The following TRIM33 variants were observed in gnomAD, a reference collection of about 807,000 sequenced individuals.
TRIM33 encodes the protein tripartite motif containing 33.
A neutral mutation model predicts 125.4 loss-of-function variants in TRIM33; 20 were observed. The ratio of observed to expected loss-of-function variants is 0.16; its 90% CI spans 0.11 to 0.23. The LOEUF (loss-of-function observed/expected upper bound fraction) is 0.23. Ranked by LOEUF, TRIM33 falls within the 10% of genes least tolerant of loss-of-function variation. The pLI is 1.00. For missense variants in TRIM33, 920 were observed against 1,411.4 expected, an observed-to-expected ratio of 0.65 and a Z score of 5.58; for synonymous variants, 564 against 513.9, an observed-to-expected ratio of 1.10 and a Z score of -1.32.
intron 6 of TRIM33, among the ~76,000 whole-genome samples, chr1:114,429,909 C>G (rs987805244): frequency 6.6e-6 from 1 of 151,954 alleles, no homozygotes; most frequent in Non-Finnish European, 1.5e-5. Flanking sequence ...GCAGTGGAGA[C>G]TTTGATTAAA....
At chr1:114,420,547 C>G in intron 11 of TRIM33, 1 of 617,942 alleles carries the variant, frequency 1.6e-6, no homozygotes, top group Admixed American at 2.3e-5. Flanking sequence ...CCATAATTTG[C>G]TATTCATACG....
intron 1 of TRIM33, among the ~76,000 whole-genome samples, chr1:114,505,696 T>G (rs918586303): frequency 9.9e-5 from 15 of 152,120 alleles, no homozygotes; most frequent in Non-Finnish European, 1.6e-4. Context: ...GCCTCCCGAG[T>G]AGCTGGGATT....
At chr1:114,495,865 T>C (rs1158176848) in intron 1 of TRIM33, among the ~76,000 whole-genome samples, 1 of 152,214 alleles carries the variant, frequency 6.6e-6, no homozygotes, top group Non-Finnish European at 1.5e-5. Context: ...TCAACAAATA[T>C]CTGGTTTACT....
At chr1:114,452,228 C>A (rs1353491480) in intron 4 of TRIM33, among the ~76,000 whole-genome samples, 1 of 152,052 alleles carries the variant, frequency 6.6e-6, no homozygotes, top group African/African-American at 2.4e-5. Flanking sequence ...AATCCCAGCA[C>A]TGGTGGGCGG....
chr1:114,452,727 T>TAAA (rs34364866), intron 4 of TRIM33, among the ~76,000 whole-genome samples: 6 of 107,688 alleles, frequency 5.6e-5, no homozygotes, highest in African/African-American at 1.4e-4. Context: ...CCCCATCTCT[T>TAAA]AAAAAAAAAA....
chr1:114,487,891 G>A (rs963664978), intron 1 of TRIM33, among the ~76,000 whole-genome samples: 10 of 111,402 alleles, frequency 9.0e-5, no homozygotes, highest in Admixed American at 1.2e-4. Context: ...GCGACAGAGC[G>A]AGACTCCGTC....
At position 114,410,294 on chromosome 1, in the gene TRIM33, C is replaced by A. The variant is rs1241122212; in HGVS notation, c.2084G>T (p.Ser695Ile). The A allele has an allele frequency of 6.2e-7, 1 of 1,613,040 alleles. No individual in the cohort carries two copies. The highest frequency in any genetic ancestry group is 1.7e-5 in the Admixed American group (1 of 59,646). The change falls in exon 12 of 20, where the codon AGT (serine) becomes ATT (isoleucine). Residue 695 changes from serine to isoleucine, a missense_variant. Coordinates refer to ENST00000358465, the MANE Select transcript of TRIM33 (RefSeq NM_015906.4). ...PIQLEDAGSS[S>I]LDNLLSRYIS... ...GTATCTACTTAGTAGATTATCTAAA[C>A]TACTTGAGCCAGCATCTTCCAACTG...
At chr1:114,484,983 C>A (rs780203501) in intron 1 of TRIM33, among the ~76,000 whole-genome samples, 1 of 149,036 alleles carries the variant, frequency 6.7e-6, no homozygotes, top group Non-Finnish European at 1.5e-5. Flanking sequence ...ACCTGGGAGG[C>A]GGAGGTTGCA....
intron 4 of TRIM33, among the ~76,000 whole-genome samples, chr1:114,453,950 C>A (rs868165417): frequency 2.1e-4 from 32 of 152,184 alleles, no homozygotes; most frequent in Middle Eastern, 3.2e-3. Context: ...TGGACTCTGC[C>A]CTGTGCATCT....
intron 4 of TRIM33, among the ~76,000 whole-genome samples, chr1:114,447,674 A>G (rs537848545): frequency 1.3e-5 from 2 of 152,346 alleles, no homozygotes; most frequent in South Asian, 4.1e-4. Flanking sequence ...TCCAACCTAG[A>G]AGAACAAACA....
chr1:114,474,578 TAAAAAAAAAAA>T (rs34473575), intron 1 of TRIM33, among the ~76,000 whole-genome samples: 5 of 78,980 alleles, frequency 6.3e-5, no homozygotes, highest in Non-Finnish European at 1.2e-4. Flanking sequence ...TGTCTCTATT[TAAAAAAAAAAA>T]AAAAAAAAAA....
At chr1:114,437,225 A>C (rs1291266547) in intron 4 of TRIM33, among the ~76,000 whole-genome samples, 1 of 152,250 alleles carries the variant, frequency 6.6e-6, no homozygotes, top group Non-Finnish European at 1.5e-5. Flanking sequence ...TTTAATCAAA[A>C]TTACAGCTGA....
Position 114,397,732 on chromosome 1 carries a change from C to T in TRIM33, c.3300G>A (p.Glu1100=). ...PEFEQEEDDG[E]VTEDSDEDFI... ...AGTCTTCATCAGAGTCCTCAGTTAC[C>T]TCACCATCATCCTCTTCCTGCTCAA... is the stretch of plus-strand genomic sequence containing the variant. Residue 1100 remains glutamate, a synonymous_variant, in exon 20 of 20, where the codon GAG becomes GAA. Coordinates refer to ENST00000358465, the MANE Select transcript of TRIM33 (RefSeq NM_015906.4). 1 of 1,613,458 alleles carries T rather than the reference C, an allele frequency of 6.2e-7. No individual in the cohort carries two copies. The highest frequency in any genetic ancestry group is 8.5e-7 in the Non-Finnish European group (1 of 1,179,866).
At chr1:114,407,247 G>A in intron 13 of TRIM33, 147 bp from the exon 14 acceptor site, 1 of 688,752 alleles carries the variant, frequency 1.5e-6, no homozygotes. Context: ...TGTAGTTAAG[G>A]GGAATGTGGT....
intron 1 of TRIM33, among the ~76,000 whole-genome samples, chr1:114,492,951 C>T (rs956891086): frequency 1.3e-5 from 2 of 152,182 alleles, no homozygotes; most frequent in Non-Finnish European, 2.9e-5. Flanking sequence ...AGGTCACATG[C>T]TAATTTTATG....
chr1:114,398,878 G>A (rs2101076205), intron 18 of TRIM33, among the ~76,000 whole-genome samples: 1 of 140,632 alleles, frequency 7.1e-6, no homozygotes, highest in South Asian at 2.2e-4. Context: ...CTCAAGGCAT[G>A]GCTAACTCAA....
At chr1:114,437,479 C>T (rs1052130697) in intron 4 of TRIM33, among the ~76,000 whole-genome samples, 1 of 152,170 alleles carries the variant, frequency 6.6e-6, no homozygotes, top group African/African-American at 2.4e-5. Context: ...CATAGGACTA[C>T]AGGCATGAGT....
Position 114,511,090 on chromosome 1 carries a change from A to G in TRIM33, c.-14T>C. On this transcript the variant is annotated 5_prime_UTR_variant, in exon 1 of 20. Transcript: ENST00000358465. ...GTTTTCCGCCATGTTTTCCTCTTTG[A>G]ACCCGCCGGACCGCCCCGCGCCGCC... 1 of 1,208,966 alleles carries G rather than the reference A, an allele frequency of 8.3e-7. No individual in the cohort carries two copies. Among genetic ancestry groups the G allele is most frequent in the Middle Eastern group, 3.3e-4 (1 of 2,998 alleles). The allele number at this position is 1,208,966 out of a possible 1,614,324, so 74.9% of individuals were successfully genotyped here. A position where few individuals can be genotyped will look rare whatever the true frequency, so the allele number is the denominator to read the frequency against.
chr1:114,397,591 T>C lies in TRIM33; in HGVS notation c.*57A>G. 2.0e-6 allele frequency: 2 copies of C among 1,006,076 alleles called. No homozygotes were observed. Among genetic ancestry groups the C allele is most frequent in the Non-Finnish European group, 2.8e-6 (2 of 707,708 alleles). 62.3% of individuals were successfully genotyped at this position (1,006,076 alleles called of 1,614,324 possible). ...TAAAAGTTTTCTGGGTTTTTTGTGT[T>C]TTTTTTTTTTTTTTCGTTTTTTTTT... On this transcript the variant is annotated 3_prime_UTR_variant, in exon 20 of 20. Coordinates refer to ENST00000358465, the MANE Select transcript of TRIM33 (RefSeq NM_015906.4).
Sources: gnomAD v4.1 joint callset for allele counts (sites outside exome capture counted in the v4.1 genomes callset) on GRCh38, gnomAD v4.1.1 for gene constraint, MANE v1.5 for transcripts, NCBI Gene and HGNC (gene_info 2026-07-23, HGNC 2026-07-21) for gene names.